The following ABRAXAS2 variants were observed in gnomAD, a reference collection of about 807,000 sequenced individuals.
ABRAXAS2 encodes BRISC complex subunit Abraxas 2.
Under a neutral mutation model 49.0 loss-of-function variants are expected in ABRAXAS2, and 23 were observed. The observed-to-expected ratio is 0.47, with a 90% CI of 0.34 to 0.66. The LOEUF (loss-of-function observed/expected upper bound fraction) is 0.66. Among genes scored for constraint, ABRAXAS2 ranks in the 30% least tolerant of loss-of-function variants. The probability of loss-of-function intolerance (pLI) is 0.01; values close to 1 mark genes in which losing one functional copy is unlikely to be tolerated. For synonymous variants in ABRAXAS2, 168 were observed against 180.2 expected, an observed-to-expected ratio of 0.93 and a Z score of 0.54; for missense variants, 443 against 511.9, an observed-to-expected ratio of 0.87 and a Z score of 1.30.
intron 2 of ABRAXAS2, among the ~76,000 whole-genome samples, chr10:124,809,981 G>A (rs1950775970): frequency 6.6e-6 from 1 of 152,148 alleles, no homozygotes; most frequent in East Asian, 1.9e-4. Flanking sequence ...TCGAACTCTC[G>A]ACCTCAGGTG....
At chr10:124,820,236 G>C (rs1289992186) in intron 4 of ABRAXAS2, among the ~76,000 whole-genome samples, 1 of 152,128 alleles carries the variant, frequency 6.6e-6, no homozygotes, top group Non-Finnish European at 1.5e-5. Context: ...AAGGCAAATA[G>C]CTTTATGCAT....
Position 124,835,026 on chromosome 10 carries a change from G to A in ABRAXAS2, c.*55G>A, listed in dbSNP as rs980059803. 7.2e-7 allele frequency: 1 copy of A among 1,386,434 alleles called. No homozygotes were observed. The highest frequency in any genetic ancestry group is 1.5e-5 in the African/African-American group (1 of 68,826). The allele number at this position is 1,386,434 out of a possible 1,614,324, so 85.9% of individuals were successfully genotyped here. A position where few individuals can be genotyped will look rare whatever the true frequency, so the allele number is the denominator to read the frequency against. On this transcript the variant is annotated 3_prime_UTR_variant, in exon 9 of 9. Coordinates refer to ENST00000298492, the MANE Select transcript of ABRAXAS2 (RefSeq NM_032182.4). The stretch of plus-strand genomic sequence containing the variant: ...TGTTTTTCTTCATTGCTTACTGAGA[G>A]GGTTTTTGAGAACTTAATCTGGGGG...
Position 124,816,629 on chromosome 10 carries a change from CTT to C in ABRAXAS2, c.200+20_200+21del. 1.3e-6 allele frequency: 2 copies of C among 1,567,392 alleles called. No homozygotes were observed. Among genetic ancestry groups the C allele is most frequent in the Non-Finnish European group, 1.8e-6 (2 of 1,141,636 alleles). On this transcript the variant is annotated intron_variant, in intron 3 of 8. Coordinates refer to ENST00000298492, the MANE Select transcript of ABRAXAS2 (RefSeq NM_032182.4). ...ACTTTTTAGGTAAGCCATATGTAAGCTTTTAGTCCTTACTAAAAGGATTGATT... is the reference window on the plus strand; with the variant it reads ...ACTTTTTAGGTAAGCCATATGTAAGCTTAGTCCTTACTAAAAGGATTGATT...
At chr10:124,824,364 C>A (rs118145180) in intron 4 of ABRAXAS2, among the ~76,000 whole-genome samples, 5,213 of 152,030 alleles carry the variant, frequency 0.034, 133 homozygotes, top group Non-Finnish European at 0.046. Context: ...GGTAAAATCC[C>A]ATCTTTACTA....
At chr10:124,804,713 C>CTTTT (rs1444245073) in intron 1 of ABRAXAS2, among the ~76,000 whole-genome samples, 2 of 90,140 alleles carry the variant, frequency 2.2e-5, no homozygotes, top group African/African-American at 7.0e-5. Context: ...TTCTTTTTTT[C>CTTTT]TTTCTTTTTT....
intron 4 of ABRAXAS2, 151 bp downstream of exon 4, chr10:124,819,601 A>G (rs1950848267): frequency 1.5e-6 from 1 of 686,822 alleles, no homozygotes; most frequent in Non-Finnish European, 2.4e-6. Context: ...ATGTATTAAT[A>G]GAAAAAAATT....
intron 4 of ABRAXAS2, among the ~76,000 whole-genome samples, chr10:124,824,446 T>C: frequency 6.6e-6 from 1 of 151,466 alleles, no homozygotes; most frequent in Non-Finnish European, 1.5e-5. Context: ...TGAGAATTGC[T>C]TGAACCTAGG....
chr10:124,813,787 A>G (rs1375697508), intron 2 of ABRAXAS2, among the ~76,000 whole-genome samples: 1 of 152,188 alleles, frequency 6.6e-6, no homozygotes, highest in Non-Finnish European at 1.5e-5. Flanking sequence ...CAGTTTGTAA[A>G]TTTGAAAGAA....
At chr10:124,825,851 T>G (rs1950892889) in intron 4 of ABRAXAS2, among the ~76,000 whole-genome samples, 1 of 152,082 alleles carries the variant, frequency 6.6e-6, no homozygotes, top group Non-Finnish European at 1.5e-5. Context: ...TCTTGAGAGG[T>G]TCTGATTCTG....
intron 2 of ABRAXAS2, among the ~76,000 whole-genome samples, chr10:124,816,181 G>A (rs1021813566): frequency 1.3e-5 from 2 of 152,126 alleles, no homozygotes; most frequent in South Asian, 2.1e-4. Flanking sequence ...GATTACAGGC[G>A]TGAGCCACTG....
At chr10:124,828,292 C>A (rs1950909206) in intron 5 of ABRAXAS2, among the ~76,000 whole-genome samples, 1 of 152,160 alleles carries the variant, frequency 6.6e-6, no homozygotes, top group Non-Finnish European at 1.5e-5. Context: ...AACTCCTGAT[C>A]CTGTCACCTC....
At chr10:124,811,128 G>A (rs769562319) in intron 2 of ABRAXAS2, among the ~76,000 whole-genome samples, 3 of 151,476 alleles carry the variant, frequency 2.0e-5, no homozygotes, top group East Asian at 2.0e-4. Flanking sequence ...GGAGAATGAC[G>A]TGAACCCGGG....
chr10:124,805,748 C>T (rs1950738026), intron 1 of ABRAXAS2, among the ~76,000 whole-genome samples: 1 of 152,180 alleles, frequency 6.6e-6, no homozygotes, highest in African/African-American at 2.4e-5. Flanking sequence ...AAGGCCTCTC[C>T]GCTAAGGTGC....
chr10:124,819,323 C>T, intron 3 of ABRAXAS2, 61 bp from the exon 4 acceptor site: 1 of 1,410,440 alleles, frequency 7.1e-7, no homozygotes, highest in Non-Finnish European at 1.0e-6. Flanking sequence ...CATATGCAGC[C>T]AAGCACGTCT....
chr10:124,828,451 G>A (rs113833083), intron 5 of ABRAXAS2, among the ~76,000 whole-genome samples: 2,566 of 152,192 alleles, frequency 0.017, 75 homozygotes, highest in African/African-American at 0.059. Context: ...TGCAACCTCC[G>A]CCTCCTGGGT....
intron 1 of ABRAXAS2, among the ~76,000 whole-genome samples, chr10:124,803,607 A>G (rs1483083619): frequency 2.0e-5 from 3 of 152,192 alleles, no homozygotes; most frequent in African/African-American, 7.2e-5. Context: ...AAAAGATTCA[A>G]GTGACTCTTA....
rs75473615 is a variant in ABRAXAS2 at position 124,826,598 on chromosome 10, G to A, written c.271G>A (p.Val91Ile). 3 of 1,606,252 alleles carry A rather than the reference G, an allele frequency of 1.9e-6. No individual in the cohort carries two copies. The highest frequency in any genetic ancestry group is 2.7e-5 in the African/African-American group (2 of 74,640). ...ACTTTTCACACTTTTCTTTCAGAAA[G>A]TCATTGGGTGGTACAGATTCCGGCG... ...DRILKDRRKK[V>I]IGWYRFRRNT... Residue 91 changes from valine to isoleucine, a missense_variant, in exon 5 of 9, where the codon GTC becomes ATC. Physicochemically the swap from Val to Ile is conservative, Grantham distance 29. Transcript: ENST00000298492.
intron 3 of ABRAXAS2, among the ~76,000 whole-genome samples, chr10:124,819,068 A>T (rs562548481): frequency 6.6e-6 from 1 of 152,266 alleles, no homozygotes; most frequent in East Asian, 1.9e-4. Context: ...TTTTTTTCAT[A>T]AGTAATTGAT....
At chr10:124,812,538 G>C (rs1950797055) in intron 2 of ABRAXAS2, among the ~76,000 whole-genome samples, 1 of 152,174 alleles carries the variant, frequency 6.6e-6, no homozygotes, top group Admixed American at 6.5e-5. Context: ...AGCTACTTGG[G>C]AGGCTGTGGT....
Sources: allele counts gnomAD v4.1 joint callset (sites outside exome capture counted in the v4.1 genomes callset), GRCh38; gene constraint gnomAD v4.1.1; transcripts MANE v1.5; gene names NCBI Gene and HGNC (gene_info 2026-07-23, HGNC 2026-07-21).